SECISBP2L: variants seen among roughly 807,000 people sequenced by gnomAD.
SECISBP2L encodes the protein SECIS binding protein 2 like, also known as selenocysteine insertion sequence-binding protein 2-like.
A neutral mutation model predicts 114.7 loss-of-function variants in SECISBP2L; 43 were observed. That is an observed-to-expected ratio of 0.38 (90% CI 0.29 to 0.48). SECISBP2L has a LOEUF of 0.48. Ranked by LOEUF, SECISBP2L falls within the 20% of genes least tolerant of loss-of-function variation. SECISBP2L has a pLI of 0.98. For missense variants in SECISBP2L, 1,136 were observed against 1,301.1 expected (o/e 0.87, Z 1.95); for synonymous variants, 451 against 439.7 (o/e 1.03, Z -0.32).
At chr15:49,027,607 ATTAT>A (rs1902772362) in intron 6 of SECISBP2L, 127 bp from the exon 7 acceptor site, 212 of 325,796 alleles carry the variant, frequency 6.5e-4, no homozygotes, top group South Asian at 1.2e-3. Flanking sequence ...TATAAACCTT[ATTAT>A]TTTTTTTTTT....
At chr15:49,046,065 C>T (rs891652263) in intron 1 of SECISBP2L, among the ~76,000 whole-genome samples, 1 of 152,190 alleles carries the variant, frequency 6.6e-6, no homozygotes, top group Admixed American at 6.5e-5. Flanking sequence ...GAGCCCTCCG[C>T]CTGGGAAGTA....
chr15:49,012,509 C>T, intron 12 of SECISBP2L, 139 bp downstream of exon 12: 1 of 831,122 alleles, frequency 1.2e-6, no homozygotes, highest in Non-Finnish European at 1.9e-6. Flanking sequence ...TTCAAATTAA[C>T]ACATTATCGT....
chr15:48,994,981 A>G (rs1266126399), intron 17 of SECISBP2L, among the ~76,000 whole-genome samples: 1 of 152,020 alleles, frequency 6.6e-6, no homozygotes, highest in Admixed American at 6.6e-5. Flanking sequence ...TTCTAAGGAG[A>G]AATCCAAGAC....
At chr15:49,001,194 T>C (rs948034348) in intron 14 of SECISBP2L, 97 bp from the exon 15 acceptor site, 6 of 750,566 alleles carry the variant, frequency 8.0e-6, no homozygotes, top group Non-Finnish European at 1.3e-5. Flanking sequence ...AAAATATATA[T>C]GGTAAGAAGT....
chr15:48,992,805 G>A lies in SECISBP2L; in HGVS notation c.2745C>T (p.Pro915=). 4 of 1,614,166 alleles carry A rather than the reference G, an allele frequency of 2.5e-6. No homozygotes were observed. In the South Asian group the frequency reaches 3.3e-5, roughly 13 times the overall value. ...EKPSKLPFDT[P]PIGKQPSLVA... The stretch of plus-strand genomic sequence containing the variant: ...CTAATGATGGCTGCTTACCAATTGG[G>A]GGTGTGTCAAATGGAAGTTTACTGG... Residue 915 remains proline (P), a synonymous_variant, in exon 18 of 18, where the codon CCC becomes CCT. Coordinates refer to ENST00000559471, the MANE Select transcript of SECISBP2L (RefSeq NM_001193489.2).
chr15:49,036,589 A>C (rs775411682), intron 2 of SECISBP2L, among the ~76,000 whole-genome samples: 4 of 152,240 alleles, frequency 2.6e-5, no homozygotes, highest in Admixed American at 1.3e-4. Flanking sequence ...ATTTAGTTTC[A>C]TGAATCAGTT....
At chr15:49,015,125 G>A (rs1902510818) in intron 11 of SECISBP2L, among the ~76,000 whole-genome samples, 1 of 152,050 alleles carries the variant, frequency 6.6e-6, no homozygotes, top group Non-Finnish European at 1.5e-5. Flanking sequence ...TTAATGTGAG[G>A]AAACTGAAGC....
intron 8 of SECISBP2L, 131 bp from the exon 9 acceptor site, chr15:49,017,759 TA>T: frequency 3.4e-6 from 2 of 592,048 alleles, no homozygotes; most frequent in Non-Finnish European, 5.6e-6. Flanking sequence ...AAGTCGGTCT[TA>T]AAGAGGAAAT....
intron 2 of SECISBP2L, among the ~76,000 whole-genome samples, chr15:49,036,415 T>C (rs115293419): frequency 3.6e-4 from 55 of 152,254 alleles, no homozygotes; most frequent in African/African-American, 1.3e-3. Context: ...CAAAGCAAAA[T>C]AGTAAAATGT....
At chr15:49,023,391 T>A (rs921901368) in intron 7 of SECISBP2L, among the ~76,000 whole-genome samples, 2 of 152,308 alleles carry the variant, frequency 1.3e-5, no homozygotes, top group Admixed American at 1.3e-4. Context: ...TTTATCTAAC[T>A]GGCATACACC....
In SECISBP2L at chr15:49,000,978, C is replaced by T. The variant is rs769403849; in HGVS notation, c.2147G>A (p.Arg716Lys). ...QKDPVRAKARRRLVMGLREVT... is the reference protein window; with the variant it reads ...QKDPVRAKARKRLVMGLREVT... ...TTCTCTTAGACCCATAACGAGTCGT[C>T]TCCTTGCTTTTGCTCTTACAGGATC... Residue 716 changes from arginine to lysine, a missense_variant, in exon 15 of 18, where the codon AGA (arginine) becomes AAA (lysine). Physicochemically the swap from Arg to Lys is conservative, Grantham distance 26 (BLOSUM62 2). Coordinates refer to ENST00000559471, the MANE Select transcript of SECISBP2L (RefSeq NM_001193489.2). 1 of 1,613,898 alleles carries T rather than the reference C, an allele frequency of 6.2e-7. No individual in the cohort carries two copies. Among genetic ancestry groups the T allele is most frequent in the South Asian group, 1.1e-5 (1 of 91,056 alleles).
At chr15:49,034,213 G>T (rs1462811156) in intron 3 of SECISBP2L, among the ~76,000 whole-genome samples, 3 of 152,084 alleles carry the variant, frequency 2.0e-5, no homozygotes, top group Non-Finnish European at 4.4e-5. Context: ...ATGGAATCTA[G>T]GGAAAGCATC....
chr15:49,006,793 C>T (rs906404561), intron 14 of SECISBP2L, among the ~76,000 whole-genome samples: 3 of 152,064 alleles, frequency 2.0e-5, no homozygotes, highest in East Asian at 1.9e-4. Context: ...AGCCTACTTC[C>T]GTCAATTTGT....
Position 48,991,722 on chromosome 15 carries a change from C to T in SECISBP2L, c.*522G>A, listed in dbSNP as rs1432463260. 6.6e-6 allele frequency: 1 copy of T among 152,602 alleles called. No individual in the cohort carries two copies. The highest frequency in any genetic ancestry group is 2.4e-5 in the African/African-American group (1 of 41,466). 9.5% of individuals were successfully genotyped at this position (152,602 alleles called of 1,614,324 possible). A position where few individuals can be genotyped will look rare whatever the true frequency, so the allele number is the denominator to read the frequency against. On this transcript the variant is annotated 3_prime_UTR_variant, in exon 18 of 18. Transcript: ENST00000559471. ...CAATAATCAGTGACTTCTGACTAAA[C>T]ATTTGTGGACCACATAAAAGTTGCA...
At chr15:49,039,520 T>C (rs1181355952) in intron 1 of SECISBP2L, among the ~76,000 whole-genome samples, 5 of 151,838 alleles carry the variant, frequency 3.3e-5, no homozygotes, top group Admixed American at 2.6e-4. Context: ...ATTTCTTTTT[T>C]TTTTCTTTCT....
In SECISBP2L at chr15:49,028,152, A is replaced by G. The variant is rs1902791883; in HGVS notation, c.911T>C (p.Met304Thr). 1.3e-6 allele frequency: 2 copies of G among 1,581,350 alleles called. No homozygotes were observed. Among genetic ancestry groups the G allele is most frequent in the African/African-American group, 1.4e-5 (1 of 73,904 alleles). The change falls in exon 6 of 18, where the codon ATG (methionine) becomes ACG (threonine). Residue 304 changes from methionine to threonine, a missense_variant. Transcript: ENST00000559471. ...SGTMNHVESS[M>T]CAGGVNWSNV... ...ATGCAGAAAACAAGTACCTGCACAC[A>G]TAGATGATTCCACATGCTAAAAAAA...
At chr15:49,033,760 C>T (rs193052282) in intron 3 of SECISBP2L, among the ~76,000 whole-genome samples, 4 of 152,198 alleles carry the variant, frequency 2.6e-5, no homozygotes, top group African/African-American at 9.6e-5. Context: ...TGAGCCCAGG[C>T]GTTTGAGATT....
intron 7 of SECISBP2L, among the ~76,000 whole-genome samples, chr15:49,026,186 GTA>G (rs1253214428): frequency 6.6e-6 from 1 of 152,142 alleles, no homozygotes; most frequent in Non-Finnish European, 1.5e-5. Flanking sequence ...GATCTTACAA[GTA>G]GAGAGTAGAA....
chr15:49,022,158 C>G lies in SECISBP2L; in HGVS notation c.1036-2606G>C, dbSNP rs146276747. Among the ~76,000 whole-genome samples, 677 of 152,268 alleles carry G rather than the reference C, an allele frequency of 4.4e-3. 6 individuals carry two copies. Among genetic ancestry groups the G allele is most frequent in the African/African-American group, 0.015 (641 of 41,562 alleles). ...ACTGAGACAGGGTCTCATTCTGTCA[C>G]CCAGGCTGGAGTGCAGTGGCGCCAT... On this transcript the variant is annotated intron_variant, in intron 7 of 17. Coordinates refer to ENST00000559471, the MANE Select transcript of SECISBP2L (RefSeq NM_001193489.2).
Sources: gnomAD v4.1 joint callset for allele counts (sites outside exome capture counted in the v4.1 genomes callset) on GRCh38, gnomAD v4.1.1 for gene constraint, MANE v1.5 for transcripts, NCBI Gene and HGNC (gene_info 2026-07-23, HGNC 2026-07-21) for gene names.